Variants in CCDC186 observed in about 807,000 individuals in gnomAD.
CCDC186 encodes the protein coiled-coil domain containing 186.
A neutral mutation model predicts 113.7 loss-of-function variants in CCDC186; 49 were observed. The ratio of observed to expected loss-of-function variants is 0.43; its 90% CI spans 0.34 to 0.55. The LOEUF (loss-of-function observed/expected upper bound fraction) is 0.55, where lower values mean the gene tolerates loss of function less well. CCDC186 is among the 20% of genes least tolerant of loss of function. CCDC186 has a pLI of 0.02. For synonymous variants in CCDC186, 355 were observed against 345.8 expected (o/e 1.03, Z -0.30); for missense variants, 890 against 1,011.1 (o/e 0.88, Z 1.62).
chr10:114,164,206 T>G lies in CCDC186; in HGVS notation c.-61-877A>C, dbSNP rs2032269645. Among the ~76,000 whole-genome samples the G allele has an allele frequency of 4.2e-5, 6 of 143,174 alleles. No homozygotes were observed. The South Asian group carries it at 1.4e-3, about 33-fold the overall frequency. The allele number at this position is 143,174 out of a possible 152,430, so 93.9% of individuals were successfully genotyped here. A position where few individuals can be genotyped will look rare whatever the true frequency, so the allele number is the denominator to read the frequency against. ...TGAGATCTCGGCTCACTGCTACCTC[T>G]GCCTCCCAGGTTCCAGCAATTCTCC... On this transcript the variant is annotated intron_variant, in intron 1 of 15. Transcript: ENST00000369287.
rs78957371 is a variant in CCDC186, at chr10:114,146,162, T to C, written c.889-401A>G. 6.7e-3 allele frequency among the ~76,000 whole-genome samples: 1,026 copies of C among 152,308 alleles called. 3 individuals are homozygous for C. The highest frequency in any genetic ancestry group is 0.029 in the South Asian group (140 of 4,824). On this transcript the variant is annotated intron_variant, in intron 4 of 15. Coordinates refer to ENST00000369287, the MANE Select transcript of CCDC186 (RefSeq NM_018017.4). The stretch of plus-strand genomic sequence containing the variant: ...CCAACAGAAGGCAGTAGGCAGAAGC[T>C]TGGGAACGTAGGCAGAGTGAGATCT...
At chr10:114,160,149 A>T (rs2032127570) in intron 2 of CCDC186, among the ~76,000 whole-genome samples, 1 of 151,850 alleles carries the variant, frequency 6.6e-6, no homozygotes. Context: ...AGGCACCTGT[A>T]GTCCCAGCTA....
chr10:114,153,486 T>G (rs2031914235), intron 3 of CCDC186, among the ~76,000 whole-genome samples: 1 of 151,990 alleles, frequency 6.6e-6, no homozygotes, highest in Admixed American at 6.6e-5. Flanking sequence ...AATACCTATA[T>G]TAAAAAAGAA....
Position 114,170,860 on chromosome 10 carries a change from AC to A in CCDC186, c.-62+3154del, listed in dbSNP as rs539009662. ...AGACTTGAGCAATAGATGCGGCAAG[AC>A]CCCCCCACCCTCCACCAACTCCCAA... On this transcript the variant is annotated intron_variant, in intron 1 of 15. Coordinates refer to ENST00000369287, the MANE Select transcript of CCDC186 (RefSeq NM_018017.4). Among the ~76,000 whole-genome samples, 10 of 151,490 alleles carry A rather than the reference AC, an allele frequency of 6.6e-5. No individual in the cohort carries two copies. The East Asian group carries it at 1.5e-3, about 23-fold the overall frequency.
At chr10:114,148,534 G>C (rs531617131) in intron 4 of CCDC186, among the ~76,000 whole-genome samples, 1 of 152,264 alleles carries the variant, frequency 6.6e-6, no homozygotes, top group East Asian at 1.9e-4. Context: ...AGTATATGAA[G>C]TGTAGCTTCT....
In CCDC186 at chr10:114,124,295, T is replaced by C. The variant is rs1048453480; in HGVS notation, c.*848A>G. The C allele has an allele frequency of 7.8e-5, 11 of 140,978 alleles. No homozygotes were observed. The highest frequency in any genetic ancestry group is 3.1e-4 in the African/African-American group (11 of 35,326). The allele number at this position is 140,978 out of a possible 1,614,324, so 8.7% of individuals were successfully genotyped here. On this transcript the variant is annotated 3_prime_UTR_variant, in exon 16 of 16. Coordinates refer to ENST00000369287, the MANE Select transcript of CCDC186 (RefSeq NM_018017.4). The stretch of plus-strand genomic sequence containing the variant: ...TATAGTGCCATATGCTGGTTTCTTT[T>C]GGAAGCTGGTTCTTCATATTATCTT...
Position 114,162,956 on chromosome 10 carries a change from T to C in CCDC186, c.313A>G (p.Ile105Val). The change falls in exon 2 of 16, where the codon ATT becomes GTT. Residue 105 changes from isoleucine (I) to valine (V), a missense_variant. Coordinates refer to ENST00000369287, the MANE Select transcript of CCDC186 (RefSeq NM_018017.4). The part of the protein sequence containing the change: ...NFPSGNFAKH[I>V]SKTNETEQKV... The stretch of plus-strand genomic sequence containing the variant: ...TGTTCTGTTTCATTTGTTTTTGAAA[T>C]ATGTTTAGCAAAATTTCCACTAGGA... 1 of 1,613,430 alleles carries C rather than the reference T, an allele frequency of 6.2e-7. No individual in the cohort carries two copies. The highest frequency in any genetic ancestry group is 8.5e-7 in the Non-Finnish European group (1 of 1,179,816).
rs1411729047 is a variant in CCDC186 at position 114,124,784 on chromosome 10, A to G, written c.*359T>C. 1.1e-5 allele frequency: 2 copies of G among 175,180 alleles called. No homozygotes were observed. The highest frequency in any genetic ancestry group is 2.4e-5 in the Non-Finnish European group (2 of 83,886). 10.9% of individuals were successfully genotyped at this position (175,180 alleles called of 1,614,324 possible). ...ACCTGTTTTCATGCATAATTTTTAA[A>G]AGGTGAGTCATTTTTGACATTACAT... On this transcript the variant is annotated 3_prime_UTR_variant, in exon 16 of 16. Transcript: ENST00000369287.
At chr10:114,137,323 T>C (rs1380015249) in intron 6 of CCDC186, 33 bp from the exon 7 acceptor site, 44 of 1,509,026 alleles carry the variant, frequency 2.9e-5, no homozygotes, top group Non-Finnish European at 4.0e-5. Flanking sequence ...CACAGTTGGG[T>C]ACAGCAACGT....
At chr10:114,165,347 C>A (rs186466430) in intron 1 of CCDC186, among the ~76,000 whole-genome samples, 177 of 151,134 alleles carry the variant, frequency 1.2e-3, no homozygotes, top group Non-Finnish European at 1.2e-3. Flanking sequence ...AAATAATTCT[C>A]AAACAGAGGC....
At chr10:114,166,008 A>C (rs1450431026) in intron 1 of CCDC186, 1 of 912,116 alleles carries the variant, frequency 1.1e-6, no homozygotes, top group South Asian at 5.0e-5. Flanking sequence ...AATTTCTGGA[A>C]TAAGTTTTTT....
At chr10:114,129,475 C>G (rs932379997) in intron 13 of CCDC186, among the ~76,000 whole-genome samples, 3 of 152,120 alleles carry the variant, frequency 2.0e-5, no homozygotes, top group Non-Finnish European at 4.4e-5. Flanking sequence ...TATATAACCA[C>G]AATTTTTCAT....
intron 6 of CCDC186, among the ~76,000 whole-genome samples, chr10:114,141,037 T>C (rs768499505): frequency 1.1e-4 from 16 of 151,876 alleles, no homozygotes; most frequent in Non-Finnish European, 1.0e-4. Context: ...ACTACAGGCA[T>C]ACACCACCAC....
rs764021357 is a variant in CCDC186 at position 114,129,917 on chromosome 10, C to T, written c.2156G>A (p.Ser719Asn). The T allele has an allele frequency of 2.5e-6, 4 of 1,613,670 alleles. No homozygotes were observed. The South Asian group carries it at 3.3e-5, about 13-fold the overall frequency. ...ESGSYDKEVS[S>N]MGSRSSSSGS... ...TGATGAACTAGAACGACTTCCCATG[C>T]TGCTGACTTCTTTGTCATAGCTTCC... Residue 719 changes from serine to asparagine, a missense_variant, in exon 13 of 16, where the codon AGC (serine) becomes AAC (asparagine). Transcript: ENST00000369287.
intron 4 of CCDC186, 45 bp from the exon 5 acceptor site, chr10:114,145,806 A>G: frequency 6.7e-7 from 1 of 1,496,130 alleles, no homozygotes. Context: ...ATAATGTTTC[A>G]AATGGAAATG....
At chr10:114,148,915 C>T (rs1032273370) in intron 4 of CCDC186, among the ~76,000 whole-genome samples, 2 of 152,224 alleles carry the variant, frequency 1.3e-5, no homozygotes, top group Non-Finnish European at 2.9e-5. Flanking sequence ...TGCACATGAA[C>T]ATGGGTAAAC....
In CCDC186 at chr10:114,144,488, AG is replaced by A; in HGVS notation, c.1221+8del. 2 of 1,609,292 alleles carry A rather than the reference AG, an allele frequency of 1.2e-6. No individual in the cohort carries two copies. Among genetic ancestry groups the A allele is most frequent in the Non-Finnish European group, 1.7e-6 (2 of 1,178,050 alleles). ...TCTAATCATTATTCCATTGTATTAC[AG>A]TACGTACCTTGTGTGAATCCATTTC... On this transcript the variant is annotated splice_region_variant and intron_variant, in intron 6 of 15. Transcript: ENST00000369287.
intron 4 of CCDC186, among the ~76,000 whole-genome samples, chr10:114,148,855 G>C (rs1164731760): frequency 6.6e-6 from 1 of 152,242 alleles, no homozygotes; most frequent in African/African-American, 2.4e-5. Context: ...TCTGGTCTAT[G>C]AAATGAGGAA....
At chr10:114,143,922 G>A (rs2031554357) in intron 6 of CCDC186, among the ~76,000 whole-genome samples, 1 of 151,882 alleles carries the variant, frequency 6.6e-6, no homozygotes, top group Admixed American at 6.6e-5. Flanking sequence ...TACGGCATCA[G>A]GTATCAGCCT....
Sources: gnomAD v4.1 joint callset for allele counts (sites outside exome capture counted in the v4.1 genomes callset) on GRCh38, gnomAD v4.1.1 for gene constraint, MANE v1.5 for transcripts, NCBI Gene and HGNC (gene_info 2026-07-23, HGNC 2026-07-21) for gene names.